USP34: variants seen among roughly 807,000 people sequenced by gnomAD.
USP34 encodes ubiquitin specific peptidase 34.
USP34 carries 70 observed loss-of-function variants against 460.3 expected under a neutral mutation model. The ratio of observed to expected loss-of-function variants is 0.15; its 90% CI spans 0.13 to 0.19. USP34 has a LOEUF of 0.19. Ranked by LOEUF, USP34 falls within the 10% of genes least tolerant of loss-of-function variation. USP34 has a pLI of 1.00. For synonymous variants in USP34, 1,647 were observed against 1,405.3 expected (o/e 1.17, Z -3.85); for missense variants, 3,985 against 4,236.2 (o/e 0.94, Z 1.65).
At chr2:61,414,118 G>C (rs950040079) in intron 2 of USP34, among the ~76,000 whole-genome samples, 5 of 151,478 alleles carry the variant, frequency 3.3e-5, no homozygotes, top group Admixed American at 1.3e-4. Flanking sequence ...AAATTAGCCG[G>C]GCAGCGTGCA....
intron 7 of USP34, among the ~76,000 whole-genome samples, chr2:61,379,828 G>A (rs1692921256): frequency 1.3e-5 from 2 of 152,198 alleles, no homozygotes; most frequent in Non-Finnish European, 2.9e-5. Flanking sequence ...TTTCTGCCTG[G>A]AAAATTAATT....
At chr2:61,305,150 CCT>C (rs1482990958) in intron 27 of USP34, among the ~76,000 whole-genome samples, 1 of 152,004 alleles carries the variant, frequency 6.6e-6, no homozygotes, top group Non-Finnish European at 1.5e-5. Flanking sequence ...ATGATGAAAC[CCT>C]GTTTCTACTA....
In USP34 at chr2:61,394,880, T is replaced by C; in HGVS notation, c.726A>G (p.Ala242=). The change falls in exon 5 of 80, where the codon GCA becomes GCG. Residue 242 remains alanine (A), a synonymous_variant. Coordinates refer to ENST00000398571, the MANE Select transcript of USP34 (RefSeq NM_014709.4). ...TAGACACAACTGTAATAAACGCATG[T>C]GCTATAAGAAATGGCAAAGTTTCAG... ...GTPETLPFLI[A]HAFITVVSNI... 6.3e-7 allele frequency: 1 copy of C among 1,594,270 alleles called. No individual in the cohort carries two copies. The highest frequency in any genetic ancestry group is 1.3e-5 in the African/African-American group (1 of 74,074).
At chr2:61,266,313 G>A (rs140662119) in intron 41 of USP34, 146 bp from the exon 42 acceptor site, 10 of 748,954 alleles carry the variant, frequency 1.3e-5, no homozygotes, top group East Asian at 1.1e-4. Flanking sequence ...AAAGTCCTCC[G>A]TGTTCATTTC....
chr2:61,446,811 AAAT>A (rs1211800698), intron 1 of USP34, among the ~76,000 whole-genome samples: 4 of 151,814 alleles, frequency 2.6e-5, no homozygotes, highest in Non-Finnish European at 5.9e-5. Context: ...AAAAAAAAAA[AAAT>A]TCCACTGATC....
At chr2:61,302,391 T>A (rs1188157906) in intron 27 of USP34, among the ~76,000 whole-genome samples, 1 of 152,232 alleles carries the variant, frequency 6.6e-6, no homozygotes, top group Non-Finnish European at 1.5e-5. Context: ...AGGAATATGT[T>A]TTTCTTCCAA....
chr2:61,434,206 G>A (rs1162825556), intron 1 of USP34, among the ~76,000 whole-genome samples: 7 of 152,106 alleles, frequency 4.6e-5, no homozygotes, highest in African/African-American at 1.4e-4. Flanking sequence ...CTGGCCTCCC[G>A]AACAGCCCTG....
chr2:61,357,538 G>C (rs1270202634), intron 10 of USP34, among the ~76,000 whole-genome samples: 1 of 152,020 alleles, frequency 6.6e-6, no homozygotes, highest in Non-Finnish European at 1.5e-5. Context: ...AACTACAAGA[G>C]AAACAAACCT....
At chr2:61,442,898 TACACACAC>T (rs58151221) in intron 1 of USP34, among the ~76,000 whole-genome samples, 2,949 of 147,256 alleles carry the variant, frequency 0.02, 37 homozygotes, top group Non-Finnish European at 0.027. Context: ...GTGATGTGTG[TACACACAC>T]ACACACACAC....
At chr2:61,468,891 G>A (rs1695863377) in intron 1 of USP34, among the ~76,000 whole-genome samples, 1 of 152,058 alleles carries the variant, frequency 6.6e-6, no homozygotes, top group Non-Finnish European at 1.5e-5. Context: ...TAGATGTTTT[G>A]TTTAAAATTT....
intron 57 of USP34, 38 bp downstream of exon 57, chr2:61,235,807 T>TC (rs746891453): frequency 6.3e-7 from 1 of 1,588,022 alleles, no homozygotes; most frequent in South Asian, 1.2e-5. Flanking sequence ...AAAAAAAGAA[T>TC]CTTAAACTAT....
chr2:61,288,695 A>C lies in USP34; in HGVS notation c.4731T>G (p.His1577Gln). 1 of 1,613,944 alleles carries C rather than the reference A, an allele frequency of 6.2e-7. No homozygotes were observed. Among genetic ancestry groups the C allele is most frequent in the South Asian group, 1.1e-5 (1 of 91,082 alleles). Reference protein sequence around the residue: ...KAAGDHAKGLHIPRLTEVFLV... With the variant: ...KAAGDHAKGLQIPRLTEVFLV... ...ACTTTACCTCTGTTAATCGTGGTATATGAAGACCCTTAGCATGATCACCAG... is the reference window on the plus strand; with the variant it reads ...ACTTTACCTCTGTTAATCGTGGTATCTGAAGACCCTTAGCATGATCACCAG... The change falls in exon 34 of 80, where the codon CAT becomes CAG. Residue 1577 changes from histidine to glutamine, a missense_variant. Transcript: ENST00000398571.
At chr2:61,420,442 C>T (rs568197046) in intron 2 of USP34, among the ~76,000 whole-genome samples, 2 of 152,276 alleles carry the variant, frequency 1.3e-5, no homozygotes, top group Non-Finnish European at 2.9e-5. Context: ...AAGATTGTTA[C>T]AAGCCTTTAG....
In USP34 at chr2:61,350,324, C is replaced by A; in HGVS notation, c.1443G>T (p.Gln481His). 1 of 1,613,584 alleles carries A rather than the reference C, an allele frequency of 6.2e-7. No individual in the cohort carries two copies. Among genetic ancestry groups the A allele is most frequent in the Non-Finnish European group, 8.5e-7 (1 of 1,179,734 alleles). ...LWNNALAAKAQLSKQSSFASL... is the reference protein window; with the variant it reads ...LWNNALAAKAHLSKQSSFASL... The stretch of plus-strand genomic sequence containing the variant: ...ATGCAAAAGAACTCTGTTTAGATAA[C>A]TGAGCCTTAGCTGCTAGTGCGTTAT... The change falls in exon 12 of 80, where the codon CAG becomes CAT. Residue 481 changes from glutamine (Q) to histidine (H), a missense_variant. By Grantham distance (24) the Gln-to-His change is conservative. This residue lies in a region of USP34 where 716 missense variants were observed against 626.2 expected (regional missense o/e 1.14). Coordinates refer to ENST00000398571, the MANE Select transcript of USP34 (RefSeq NM_014709.4).
rs550060401 is a variant in USP34, at chr2:61,310,834, G to A, written c.3817+706C>T. ...TGAAAAAAACTATTGGGTTAAAGTG[G>A]ATGAGTAGTATATGGAAATTTAAAG... On this transcript the variant is annotated intron_variant, in intron 27 of 79. Transcript: ENST00000398571. Among the ~76,000 whole-genome samples the A allele has an allele frequency of 7.7e-4, 117 of 152,156 alleles. 1 individual carries two copies. Among genetic ancestry groups the A allele is most frequent in the African/African-American group, 2.5e-3 (105 of 41,522 alleles).
In USP34 at chr2:61,457,016, C is replaced by A. The variant is rs527415511; in HGVS notation, c.43+13634G>T. 8.6e-5 allele frequency among the ~76,000 whole-genome samples: 13 copies of A among 151,822 alleles called. No individual in the cohort carries two copies. The South Asian group carries it at 2.5e-3, about 29-fold the overall frequency. On this transcript the variant is annotated intron_variant, in intron 1 of 79. Coordinates refer to ENST00000398571, the MANE Select transcript of USP34 (RefSeq NM_014709.4). ...ACAGACCAGTGGTGACTGCTCACAC[C>A]TGTAACCCCAGCACTTTAAGAGGCT...
rs540835493 is a variant in USP34 at position 61,367,797 on chromosome 2, A to G, written c.1251+2524T>C. On this transcript the variant is annotated intron_variant, in intron 10 of 79. Coordinates refer to ENST00000398571, the MANE Select transcript of USP34 (RefSeq NM_014709.4). Reference sequence around the variant, plus strand: ...TGTGAATAATGCAAAAGAAAAAAGAAAAAGAGTATCATACTTTGGACAGGA... The same window carrying G: ...TGTGAATAATGCAAAAGAAAAAAGAGAAAGAGTATCATACTTTGGACAGGA... Among the ~76,000 whole-genome samples the G allele has an allele frequency of 6.6e-5, 10 of 152,274 alleles. No individual in the cohort carries two copies. The South Asian group carries it at 1.7e-3, about 25-fold the overall frequency.
chr2:61,438,036 A>G (rs1479160815), intron 1 of USP34, among the ~76,000 whole-genome samples: 2 of 151,886 alleles, frequency 1.3e-5, no homozygotes, highest in African/African-American at 2.4e-5. Flanking sequence ...AAAACCAGAA[A>G]AGGAAAAACA....
chr2:61,395,152 C>A, intron 4 of USP34, 31 bp downstream of exon 4: 2 of 1,483,922 alleles, frequency 1.3e-6, no homozygotes, highest in Non-Finnish European at 9.1e-7. Context: ...ATAAAATTTT[C>A]CATAAAAGAA....
Sources: allele counts gnomAD v4.1 joint callset (sites outside exome capture counted in the v4.1 genomes callset), GRCh38; gene constraint gnomAD v4.1.1; regional missense constraint gnomAD v4.1.1; transcripts MANE v1.5; gene names NCBI Gene and HGNC (gene_info 2026-07-23, HGNC 2026-07-21).